The following FRMPD4 variants were observed in gnomAD, a reference collection of about 807,000 sequenced individuals.
FRMPD4 encodes FERM and PDZ domain containing 4.
FRMPD4 carries 22 observed loss-of-function variants against 94.1 expected under a neutral mutation model. That is an observed-to-expected ratio of 0.23 (90% confidence interval 0.17 to 0.33). The LOEUF (loss-of-function observed/expected upper bound fraction) is 0.33. Ranked by LOEUF, FRMPD4 falls within the 10% of genes least tolerant of loss-of-function variation. The pLI is 1.00. For synonymous variants in FRMPD4, 631 were observed against 548.6 expected (o/e 1.15, Z -2.10); for missense variants, 1,111 against 1,339.9 (o/e 0.83, Z 2.67).
At chrX:12,101,391 T>C (rs1023320951) in intron 3 of FRMPD4, among the ~76,000 whole-genome samples, 3 of 111,058 alleles carry the variant, frequency 2.7e-5, no homozygotes, top group Non-Finnish European at 5.7e-5. Context: ...TAAGTGAAGC[T>C]CTCTTTACTT....
At chrX:12,112,917 T>G (rs1210932172) in intron 3 of FRMPD4, among the ~76,000 whole-genome samples, 3 of 111,553 alleles carry the variant, frequency 2.7e-5, no homozygotes. Flanking sequence ...CCAATTAAAG[T>G]ACTGCATTCC....
intron 1 of FRMPD4, among the ~76,000 whole-genome samples, chrX:12,139,862 C>A (rs887317225): frequency 9.0e-6 from 1 of 111,648 alleles, no homozygotes; most frequent in African/African-American, 3.3e-5. Context: ...CATGCCCAAC[C>A]TTCTCTGCCC....
chrX:12,486,086 T>C (rs775284179), intron 1 of FRMPD4, among the ~76,000 whole-genome samples: 1 of 111,530 alleles, frequency 9.0e-6, no homozygotes, highest in East Asian at 2.8e-4. Context: ...AACTTCCATC[T>C]TGGCAAATCC....
At chrX:12,401,206 G>A (rs868602155) in intron 1 of FRMPD4, among the ~76,000 whole-genome samples, 4 of 111,186 alleles carry the variant, frequency 3.6e-5, no homozygotes, top group Non-Finnish European at 5.7e-5. Flanking sequence ...CATCAGTTAT[G>A]TTATTATGTC....
At chrX:11,853,704 A>C (rs908491563) in intron 1 of FRMPD4, among the ~76,000 whole-genome samples, 1 of 111,874 alleles carries the variant, frequency 8.9e-6, no homozygotes, top group Non-Finnish European at 1.9e-5. Context: ...TGAACAGACC[A>C]AAAATGAGTT....
intron 3 of FRMPD4, among the ~76,000 whole-genome samples, chrX:11,889,421 A>G (rs1247507420): frequency 8.9e-6 from 1 of 112,533 alleles, no homozygotes; most frequent in Non-Finnish European, 1.9e-5. Flanking sequence ...AATGAATTGA[A>G]TTTAATACAG....
intron 2 of FRMPD4, among the ~76,000 whole-genome samples, chrX:12,500,623 T>G (rs1349843224): frequency 2.7e-5 from 3 of 110,750 alleles, no homozygotes; most frequent in Non-Finnish European, 5.7e-5. Flanking sequence ...TTCCCAAGGC[T>G]TTCCTAAGGA....
intron 3 of FRMPD4, among the ~76,000 whole-genome samples, chrX:12,127,238 T>C: frequency 8.9e-6 from 1 of 111,987 alleles, no homozygotes; most frequent in Non-Finnish European, 1.9e-5. Flanking sequence ...CTCATGCTGC[T>C]ATGAAAAAAT....
chrX:11,864,960 C>A (rs2053709848), intron 1 of FRMPD4, among the ~76,000 whole-genome samples: 1 of 111,677 alleles, frequency 9.0e-6, no homozygotes. Flanking sequence ...AAAGGACATC[C>A]ATTTGTGATG....
intron 3 of FRMPD4, among the ~76,000 whole-genome samples, chrX:12,132,098 C>T (rs6640904): frequency 0.073 from 8,110 of 111,149 alleles, 853 homozygotes; most frequent in East Asian, 0.58. Context: ...AGTAGGCCAT[C>T]GCAATTATCC....
Position 12,683,511 on chromosome X carries a change from CA to C in FRMPD4, c.503del (p.Lys168ArgfsTer4). On this transcript the variant is annotated frameshift_variant, in exon 6 of 17. Coordinates refer to ENST00000675598, the MANE Select transcript of FRMPD4 (RefSeq NM_001368397.1). LOFTEE classifies it high-confidence loss of function. Reference protein sequence around the residue: ...PSPKSAFISAAKKARLKSNPV... With the variant: ...PSPKSAFISAXKKARLKSNPV... ...CCCAAATCAGCATTTATTAGTGCTGCAAAAAAGGCAAGATTAAAGTCCAATC... is the reference window on the plus strand; with the variant it reads ...CCCAAATCAGCATTTATTAGTGCTGCAAAAAGGCAAGATTAAAGTCCAATC... The C allele has an allele frequency of 8.5e-7, 1 of 1,172,619 alleles. No homozygotes were observed. The highest frequency in any genetic ancestry group is 1.2e-6 in the Non-Finnish European group (1 of 861,571).
chrX:12,344,392 T>C (rs1197471082), intron 1 of FRMPD4, among the ~76,000 whole-genome samples: 1 of 111,151 alleles, frequency 9.0e-6, no homozygotes, highest in East Asian at 2.8e-4. Flanking sequence ...CAAATTCCAT[T>C]TCTTCTCTTC....
At chrX:12,530,560 A>G (rs1286117947) in intron 2 of FRMPD4, among the ~76,000 whole-genome samples, 1 of 111,185 alleles carries the variant, frequency 9.0e-6, no homozygotes, top group Non-Finnish European at 1.9e-5. Context: ...GACAACAATG[A>G]AAAAGAGGAT....
chrX:12,311,359 C>A (rs1383134692), intron 1 of FRMPD4, among the ~76,000 whole-genome samples: 1 of 112,342 alleles, frequency 8.9e-6, no homozygotes, highest in African/African-American at 3.2e-5. Flanking sequence ...TATTTAAACT[C>A]CATAAAATTA....
intron 1 of FRMPD4, among the ~76,000 whole-genome samples, chrX:12,497,400 T>TG (rs1177413557): frequency 9.1e-6 from 1 of 110,020 alleles, no homozygotes; most frequent in Non-Finnish European, 1.9e-5. Flanking sequence ...GTGTGGTTTT[T>TG]TTGTTGTTGT....
intron 3 of FRMPD4, among the ~76,000 whole-genome samples, chrX:11,972,583 G>T (rs1454667244): frequency 8.9e-6 from 1 of 112,202 alleles, no homozygotes; most frequent in Non-Finnish European, 1.9e-5. Flanking sequence ...AGATGCCTGA[G>T]TTCAAATCCT....
chrX:12,353,823 G>A (rs1453319112), intron 1 of FRMPD4, among the ~76,000 whole-genome samples: 1 of 112,083 alleles, frequency 8.9e-6, no homozygotes, highest in Non-Finnish European at 1.9e-5. Flanking sequence ...TAGTTGTGAA[G>A]TGTGTTTTGA....
rs865954614 is a variant in FRMPD4, at chrX:12,680,533, G to A, written c.469-2950G>A. ...TAGCCTTCAGACTTGGAGAGCCTAT[G>A]TAGTTGTTATCCAAAAGTAATTTCC... On this transcript the variant is annotated intron_variant, in intron 5 of 16. Coordinates refer to ENST00000675598, the MANE Select transcript of FRMPD4 (RefSeq NM_001368397.1). Among the ~76,000 whole-genome samples the A allele has an allele frequency of 2.2e-4, 25 of 112,395 alleles. 1 individual carries two copies. Among genetic ancestry groups the A allele is most frequent in the Middle Eastern group, 4.6e-3 (1 of 217 alleles).
chrX:12,021,326 T>G (rs1223623657), intron 3 of FRMPD4, among the ~76,000 whole-genome samples: 1 of 111,815 alleles, frequency 8.9e-6, no homozygotes, highest in African/African-American at 3.3e-5. Flanking sequence ...TCTCTCTACA[T>G]CCTGTAAGGC....
Sources: allele counts gnomAD v4.1 joint callset (sites outside exome capture counted in the v4.1 genomes callset), GRCh38; gene constraint gnomAD v4.1.1; transcripts MANE v1.5; gene names NCBI Gene and HGNC (gene_info 2026-07-23, HGNC 2026-07-21).